Variants in PHF8 observed in about 807,000 individuals in gnomAD.
The protein encoded by PHF8 is PHD finger protein 8.
Under a neutral mutation model 74.4 loss-of-function variants are expected in PHF8, and 9 were observed. The observed-to-expected ratio is 0.12, with a 90% confidence interval of 0.07 to 0.21. The LOEUF (loss-of-function observed/expected upper bound fraction) is 0.21, where lower values mean the gene tolerates loss of function less well. PHF8 is among the 10% of genes least tolerant of loss of function. PHF8 has a pLI of 1.00. For missense variants in PHF8, 478 were observed against 816.6 expected, an observed-to-expected ratio of 0.59 and a Z score of 5.05; for synonymous variants, 311 against 316.6, an observed-to-expected ratio of 0.98 and a Z score of 0.19.
intron 18 of PHF8, among the ~76,000 whole-genome samples, chrX:53,964,467 CA>C (rs782152628): frequency 6.3e-5 from 7 of 111,456 alleles, no homozygotes; most frequent in Non-Finnish European, 1.3e-4. Flanking sequence ...TCACATACTA[CA>C]ACATGGATGA....
chrX:53,980,894 T>C (rs1023542550), intron 18 of PHF8, among the ~76,000 whole-genome samples: 5 of 112,748 alleles, frequency 4.4e-5, no homozygotes, highest in African/African-American at 1.6e-4. Context: ...AGATGGCTGC[T>C]GCTCATACCC....
In PHF8 at chrX:53,938,839, G is replaced by A. The variant is rs140394515; in HGVS notation, c.*319C>T. On this transcript the variant is annotated 3_prime_UTR_variant, in exon 22 of 22. Coordinates refer to ENST00000338154, the MANE Select transcript of PHF8 (RefSeq NM_015107.3). ...CCTCATCCTGCCTTCCAGCTCTAGC[G>A]GGGGATGAAGAATAAAGAACAGACA... 359 of 834,628 alleles carry A rather than the reference G, an allele frequency of 4.3e-4. No individual in the cohort carries two copies. The highest frequency in any genetic ancestry group is 1.8e-3 in the Middle Eastern group (3 of 1,704). 68.8% of individuals were successfully genotyped at this position (834,628 alleles called of 1,213,427 possible).
intron 19 of PHF8, among the ~76,000 whole-genome samples, chrX:53,957,859 C>T (rs2065037480): frequency 9.0e-6 from 1 of 111,213 alleles, no homozygotes; most frequent in South Asian, 3.8e-4. Context: ...GGTGAAGTAG[C>T]CATCTTGTGA....
intron 6 of PHF8, 83 bp downstream of exon 6, chrX:54,016,512 A>G: frequency 2.5e-6 from 2 of 793,539 alleles, no homozygotes; most frequent in South Asian, 2.2e-5. Context: ...AAAAAAAGAG[A>G]GAGAAACACG....
At chrX:53,967,695 T>C (rs1380726332) in intron 18 of PHF8, among the ~76,000 whole-genome samples, 5 of 114,381 alleles carry the variant, frequency 4.4e-5, no homozygotes, top group South Asian at 3.4e-4. Flanking sequence ...GGGGAAAAGA[T>C]TGAGAAATCG....
chrX:54,024,202 C>T (rs781825921), intron 2 of PHF8, among the ~76,000 whole-genome samples: 32 of 111,654 alleles, frequency 2.9e-4, no homozygotes, highest in South Asian at 1.9e-3. Flanking sequence ...GTGGGAGGAT[C>T]GCTTGAGGCC....
intron 16 of PHF8, among the ~76,000 whole-genome samples, 189 bp from the exon 17 acceptor site, chrX:53,986,138 C>T (rs1412361745): frequency 1.8e-5 from 2 of 112,633 alleles, no homozygotes; most frequent in Non-Finnish European, 3.8e-5. Context: ...AGTATACTCC[C>T]ATTTTAAACA....
intron 18 of PHF8, among the ~76,000 whole-genome samples, chrX:53,979,703 GTATT>G (rs1341290250): frequency 8.9e-6 from 1 of 111,962 alleles, no homozygotes; most frequent in Non-Finnish European, 1.9e-5. Flanking sequence ...GAAAAACTAT[GTATT>G]TATGTCCAAA....
At chrX:54,032,187 T>C (rs2066370455) in intron 2 of PHF8, among the ~76,000 whole-genome samples, 1 of 111,557 alleles carries the variant, frequency 9.0e-6, no homozygotes, top group Non-Finnish European at 1.9e-5. Flanking sequence ...TTAGCGTGCA[T>C]CTGAAAGGCT....
chrX:53,964,052 G>A (rs2065142644), intron 18 of PHF8, among the ~76,000 whole-genome samples: 1 of 112,208 alleles, frequency 8.9e-6, no homozygotes, highest in Non-Finnish European at 1.9e-5. Flanking sequence ...ATACTTTGCA[G>A]CCATAAAAAG....
intron 14 of PHF8, among the ~76,000 whole-genome samples, chrX:53,989,749 T>C (rs782547248): frequency 8.9e-6 from 1 of 112,364 alleles, no homozygotes; most frequent in Non-Finnish European, 1.9e-5. Context: ...AAATTGACTT[T>C]CAGTGAATTG....
upstream of PHF8, among the ~76,000 whole-genome samples, chrX:54,047,396 T>A (rs958515798): frequency 2.5e-4 from 28 of 111,414 alleles, no homozygotes; most frequent in Non-Finnish European, 4.7e-4. Context: ...TTGGACTATG[T>A]TGAGTTCAGG....
At chrX:53,976,978 A>T (rs2065388644) in intron 18 of PHF8, among the ~76,000 whole-genome samples, 1 of 112,338 alleles carries the variant, frequency 8.9e-6, no homozygotes, top group Non-Finnish European at 1.9e-5. Context: ...AAATAAATAA[A>T]AAATAAATAA....
chrX:53,986,907 C>T (rs1372484837), intron 16 of PHF8, among the ~76,000 whole-genome samples, 171 bp downstream of exon 16: 1 of 111,774 alleles, frequency 8.9e-6, no homozygotes, highest in East Asian at 2.8e-4. Flanking sequence ...GCCTGGGCAA[C>T]AGAGCGAGGA....
upstream of PHF8, chrX:54,044,551 A>AG (rs1295474066): frequency 1.6e-5 from 5 of 318,516 alleles, no homozygotes; most frequent in Non-Finnish European, 2.1e-5. Flanking sequence ...CGCCACCTTG[A>AG]GAAAGGAGGG....
intron 18 of PHF8, among the ~76,000 whole-genome samples, chrX:53,980,955 G>A (rs987352787): frequency 8.9e-5 from 10 of 112,895 alleles, no homozygotes; most frequent in Non-Finnish European, 5.6e-5. Flanking sequence ...GCTCGCGCCT[G>A]TAATCCCAGC....
chrX:54,027,264 G>A (rs1211440423), intron 2 of PHF8, among the ~76,000 whole-genome samples: 1 of 106,503 alleles, frequency 9.4e-6, no homozygotes, highest in Admixed American at 1.0e-4. Context: ...CCTTCTGTCC[G>A]CCCCTTCACA....
At chrX:54,000,253 A>C in intron 10 of PHF8, among the ~76,000 whole-genome samples, 1 of 112,208 alleles carries the variant, frequency 8.9e-6, no homozygotes, top group Non-Finnish European at 1.9e-5. Flanking sequence ...GCACACACCT[A>C]GCAAGTGCTA....
At chrX:54,045,075 C>T (rs1413357140), upstream of PHF8, 5 of 438,060 alleles carry the variant, frequency 1.1e-5, no homozygotes, top group Non-Finnish European at 2.0e-5. Flanking sequence ...GTCCCCAGGC[C>T]CTCAGTGTAG....
Sources: allele counts gnomAD v4.1 joint callset (sites outside exome capture counted in the v4.1 genomes callset), GRCh38; gene constraint gnomAD v4.1.1; transcripts MANE v1.5; gene names NCBI Gene and HGNC (gene_info 2026-07-23, HGNC 2026-07-21).